The following RNGTT variants were observed in gnomAD, a reference collection of about 807,000 sequenced individuals.
RNGTT encodes the protein RNA guanylyltransferase and 5'-phosphatase.
RNGTT carries 33 observed loss-of-function variants against 79.3 expected under a neutral mutation model. The observed-to-expected ratio is 0.42, with a 90% CI of 0.32 to 0.56. RNGTT has a LOEUF of 0.56. Ranked by LOEUF, RNGTT falls within the 20% of genes least tolerant of loss-of-function variation. The probability of loss-of-function intolerance (pLI) is 0.17; values close to 1 mark genes in which losing one functional copy is unlikely to be tolerated. For synonymous variants in RNGTT, 222 were observed against 235.9 expected, an observed-to-expected ratio of 0.94 and a Z score of 0.54; for missense variants, 497 against 739.1, an observed-to-expected ratio of 0.67 and a Z score of 3.80.
chr6:88,811,282 T>C (rs1582489387), intron 11 of RNGTT, among the ~76,000 whole-genome samples: 1 of 152,338 alleles, frequency 6.6e-6, no homozygotes, highest in East Asian at 1.9e-4. Flanking sequence ...AGACATTATA[T>C]ATCAATTTTT....
chr6:88,931,187 T>TAAAAAAAAAAAAAAAAAAAAAAAAA (rs34070183), intron 2 of RNGTT, among the ~76,000 whole-genome samples: 1 of 101,938 alleles, frequency 9.8e-6, no homozygotes. Flanking sequence ...TATAAAGCTG[T>TAAAAAAAAAAAAAAAAAAAAAAAAA]AAAAAAAAAA....
intron 12 of RNGTT, among the ~76,000 whole-genome samples, chr6:88,775,038 A>T (rs1778828499): frequency 1.3e-5 from 2 of 152,168 alleles, no homozygotes; most frequent in Admixed American, 6.5e-5. Flanking sequence ...CACACTAATC[A>T]ATATATTTGT....
In RNGTT at chr6:88,714,429, G is replaced by C. The variant is rs183821049; in HGVS notation, c.1440-36010C>G. On this transcript the variant is annotated intron_variant, in intron 13 of 15. Coordinates refer to ENST00000369485, the MANE Select transcript of RNGTT (RefSeq NM_003800.5). Reference sequence around the variant, plus strand: ...AAGCCTGGGAAGAGTGACTCAAGCTGAAAGTAAAAGTACTTTTTTTTTTTT... The same window carrying C: ...AAGCCTGGGAAGAGTGACTCAAGCTCAAAGTAAAAGTACTTTTTTTTTTTT... The C allele has an allele frequency of 8.5e-5, 11 of 129,906 alleles. 1 individual carries two copies. Among genetic ancestry groups the C allele is most frequent in the South Asian group, 6.2e-4 (2 of 3,216 alleles). The allele number at this position is 129,906 out of a possible 1,614,324, so 8.0% of individuals were successfully genotyped here. A position where few individuals can be genotyped will look rare whatever the true frequency, so the allele number is the denominator to read the frequency against.
intron 8 of RNGTT, among the ~76,000 whole-genome samples, chr6:88,881,111 A>G (rs1382933230): frequency 6.6e-6 from 1 of 152,220 alleles, no homozygotes; most frequent in Non-Finnish European, 1.5e-5. Flanking sequence ...AAATATTAAG[A>G]AAAAAGTTAA....
intron 14 of RNGTT, among the ~76,000 whole-genome samples, chr6:88,634,067 T>C (rs1773006721): frequency 6.6e-6 from 1 of 152,130 alleles, no homozygotes; most frequent in Middle Eastern, 3.2e-3. Flanking sequence ...TTGTTTATGA[T>C]AGAAAAAAGA....
chr6:88,695,662 G>A (rs1277425942), intron 13 of RNGTT, among the ~76,000 whole-genome samples: 2 of 152,144 alleles, frequency 1.3e-5, no homozygotes, highest in African/African-American at 4.8e-5. Flanking sequence ...ATATCTAAAG[G>A]ATTTGAAATC....
At chr6:88,897,330 G>GA (rs1052014637) in intron 6 of RNGTT, among the ~76,000 whole-genome samples, 6 of 152,174 alleles carry the variant, frequency 3.9e-5, no homozygotes, top group East Asian at 3.9e-4. Context: ...ACTTACTGAG[G>GA]AAAAAATCAC....
rs139010891 is a variant in RNGTT, at chr6:88,734,682, C to T, written c.1439+35092G>A. ...AGGTTGGAGTACAGATGGTTCCTGACTTAACGACAGTTGAAATGACAATTT... is the reference window on the plus strand; with the variant it reads ...AGGTTGGAGTACAGATGGTTCCTGATTTAACGACAGTTGAAATGACAATTT... On this transcript the variant is annotated intron_variant, in intron 13 of 15. Transcript: ENST00000369485. 4.7e-3 allele frequency among the ~76,000 whole-genome samples: 714 copies of T among 152,222 alleles called. 5 individuals are homozygous for T. The highest frequency in any genetic ancestry group is 0.016 in the African/African-American group (662 of 41,552).
chr6:88,891,534 A>G (rs181166647), intron 7 of RNGTT, among the ~76,000 whole-genome samples: 4 of 152,292 alleles, frequency 2.6e-5, no homozygotes, highest in East Asian at 3.9e-4. Flanking sequence ...TAGCTCAAAC[A>G]TTAATCAGTA....
chr6:88,662,588 C>T (rs142774810), intron 14 of RNGTT, among the ~76,000 whole-genome samples: 4 of 152,326 alleles, frequency 2.6e-5, no homozygotes, highest in African/African-American at 9.6e-5. Context: ...ACCATTCCTG[C>T]TACATTTCTT....
At chr6:88,749,399 G>T (rs1239852081) in intron 13 of RNGTT, among the ~76,000 whole-genome samples, 1 of 151,900 alleles carries the variant, frequency 6.6e-6, no homozygotes, top group Non-Finnish European at 1.5e-5. Context: ...AGTTAGATGT[G>T]CGTGCTAAAA....
intron 11 of RNGTT, among the ~76,000 whole-genome samples, chr6:88,824,941 C>G (rs537183276): frequency 2.0e-5 from 3 of 152,052 alleles, no homozygotes; most frequent in Admixed American, 2.0e-4. Context: ...CGGGGTTTCA[C>G]CACGTTGGCC....
intron 12 of RNGTT, among the ~76,000 whole-genome samples, chr6:88,782,157 C>T (rs1779085387): frequency 6.6e-6 from 1 of 152,036 alleles, no homozygotes; most frequent in Non-Finnish European, 1.5e-5. Context: ...CTGAGTTTTT[C>T]ACTTTTCACC....
At chr6:88,665,022 C>G (rs565958027) in intron 14 of RNGTT, among the ~76,000 whole-genome samples, 2 of 152,176 alleles carry the variant, frequency 1.3e-5, no homozygotes, top group Non-Finnish European at 2.9e-5. Flanking sequence ...CTGTACATCC[C>G]TGACTGCCCC....
rs200711907 is a variant in RNGTT, at chr6:88,689,493, T to C, written c.1440-11074A>G. ...CCTGTAATCCCAGTTACTCAGGAAG[T>C]TGAAGCAGGAGAATCACTTGAACCC... On this transcript the variant is annotated intron_variant, in intron 13 of 15. Coordinates refer to ENST00000369485, the MANE Select transcript of RNGTT (RefSeq NM_003800.5). Among the ~76,000 whole-genome samples the C allele has an allele frequency of 2.0e-4, 30 of 151,380 alleles. No individual in the cohort carries two copies. In the East Asian group the frequency reaches 5.1e-3, roughly 26 times the overall value.
chr6:88,763,088 T>A (rs1032627030), intron 13 of RNGTT, among the ~76,000 whole-genome samples: 8 of 76,690 alleles, frequency 1.0e-4, no homozygotes, highest in Non-Finnish European at 2.0e-4. Context: ...CATGGCCAGC[T>A]TTTTTTTTTT....
intron 14 of RNGTT, among the ~76,000 whole-genome samples, chr6:88,674,145 C>G (rs1285481415): frequency 2.0e-5 from 3 of 152,150 alleles, no homozygotes; most frequent in Non-Finnish European, 4.4e-5. Flanking sequence ...AATTCAAGAT[C>G]CTAATGATGA....
At chr6:88,891,772 A>G (rs922689505) in intron 7 of RNGTT, 34 bp downstream of exon 7, 2 of 1,385,624 alleles carry the variant, frequency 1.4e-6, no homozygotes, top group Non-Finnish European at 1.9e-6. Flanking sequence ...AAATAAGAGC[A>G]AATTTTATTT....
At chr6:88,906,698 T>A (rs1215741210) in intron 4 of RNGTT, among the ~76,000 whole-genome samples, 1 of 152,208 alleles carries the variant, frequency 6.6e-6, no homozygotes, top group Non-Finnish European at 1.5e-5. Context: ...GTTTAACAAG[T>A]TCTCCTAAAG....
Sources: gnomAD v4.1 joint callset for allele counts (sites outside exome capture counted in the v4.1 genomes callset) on GRCh38, gnomAD v4.1.1 for gene constraint, MANE v1.5 for transcripts, NCBI Gene and HGNC (gene_info 2026-07-23, HGNC 2026-07-21) for gene names.